The following FNDC3A variants were observed in gnomAD, a reference collection of about 807,000 sequenced individuals.
FNDC3A encodes fibronectin type-III domain-containing protein 3A.
FNDC3A carries 32 observed loss-of-function variants against 148.9 expected under a neutral mutation model. The observed-to-expected ratio is 0.21, with a 90% CI of 0.16 to 0.29. The LOEUF (loss-of-function observed/expected upper bound fraction) is 0.29, where lower values mean the gene tolerates loss of function less well. Among genes scored for constraint, FNDC3A ranks in the 10% least tolerant of loss-of-function variants. The pLI, the probability that FNDC3A is intolerant of heterozygous loss-of-function variation, is 1.00. For missense variants in FNDC3A, 1,191 were observed against 1,452.8 expected (o/e 0.82, Z 2.93); for synonymous variants, 472 against 473.6 (o/e 1.00, Z 0.04).
At chr13:49,019,927 C>T (rs1182527208) in intron 2 of FNDC3A, among the ~76,000 whole-genome samples, 1 of 152,134 alleles carries the variant, frequency 6.6e-6, no homozygotes, top group African/African-American at 2.4e-5. Context: ...ATAACTTGTT[C>T]AGTGAAATCT....
At chr13:49,097,525 T>C (rs146996694) in intron 3 of FNDC3A, among the ~76,000 whole-genome samples, 1 of 152,190 alleles carries the variant, frequency 6.6e-6, no homozygotes, top group Non-Finnish European at 1.5e-5. Context: ...GCCTCCAGCT[T>C]TGATCTCTGT....
At chr13:48,989,479 T>G (rs1183038076) in intron 1 of FNDC3A, among the ~76,000 whole-genome samples, 1 of 152,196 alleles carries the variant, frequency 6.6e-6, no homozygotes, top group Non-Finnish European at 1.5e-5. Flanking sequence ...AGATACTGTC[T>G]GATTAAAATT....
At chr13:48,993,580 AC>A (rs1411939700) in intron 1 of FNDC3A, among the ~76,000 whole-genome samples, 1 of 152,366 alleles carries the variant, frequency 6.6e-6, no homozygotes, top group African/African-American at 2.4e-5. Flanking sequence ...TGTACATTTT[AC>A]CATACATGAA....
At chr13:49,158,178 G>C (rs537233575) in intron 8 of FNDC3A, among the ~76,000 whole-genome samples, 4 of 152,262 alleles carry the variant, frequency 2.6e-5, no homozygotes, top group Non-Finnish European at 5.9e-5. Context: ...GTGAGACTCC[G>C]TGGGCGTAGG....
chr13:49,168,123 C>T (rs1164938889), intron 9 of FNDC3A, among the ~76,000 whole-genome samples: 1 of 151,948 alleles, frequency 6.6e-6, no homozygotes, highest in African/African-American at 2.4e-5. Flanking sequence ...AGTTAATTAC[C>T]CCCATTTTTA....
In FNDC3A at chr13:49,203,292, C is replaced by T; in HGVS notation, c.3282+8C>T. The T allele has an allele frequency of 6.3e-7, 1 of 1,590,834 alleles. No homozygotes were observed. The highest frequency in any genetic ancestry group is 8.6e-7 in the Non-Finnish European group (1 of 1,165,490). ...GATTCAGAATTCAAACAGGTATGTA[C>T]CAAGATATTAATGTGTGGATGCATA... On this transcript the variant is annotated splice_region_variant and intron_variant, in intron 25 of 25. Coordinates refer to ENST00000492622, the MANE Select transcript of FNDC3A (RefSeq NM_001079673.2).
At chr13:49,129,765 C>A (rs1441666345) in intron 4 of FNDC3A, among the ~76,000 whole-genome samples, 3 of 152,100 alleles carry the variant, frequency 2.0e-5, no homozygotes, top group Non-Finnish European at 4.4e-5. Flanking sequence ...GTCATCTAGT[C>A]CCCTGTTAGA....
rs531383046 is a variant in FNDC3A, at chr13:49,166,382, A to G, written c.978-862A>G. On this transcript the variant is annotated intron_variant, in intron 8 of 25. Transcript: ENST00000492622. ...CCAGTGACAGTGGTGGCCTGTGGGT[A>G]GGAAATGTCAGTGGGGCTCCAGACA... Among the ~76,000 whole-genome samples the G allele has an allele frequency of 7.2e-5, 11 of 152,284 alleles. No homozygotes were observed. The East Asian group carries it at 1.5e-3, about 21-fold the overall frequency.
intron 2 of FNDC3A, among the ~76,000 whole-genome samples, chr13:49,051,048 A>T (rs532964318): frequency 1.3e-5 from 2 of 152,292 alleles, no homozygotes; most frequent in East Asian, 1.9e-4. Context: ...CTTACATGTT[A>T]GGTGAGTCTC....
intron 1 of FNDC3A, among the ~76,000 whole-genome samples, chr13:48,978,017 C>T (rs1951633585): frequency 6.6e-6 from 1 of 152,042 alleles, no homozygotes; most frequent in South Asian, 2.1e-4. Context: ...TCCTGGTTAA[C>T]ACTGTCAAGC....
intron 2 of FNDC3A, among the ~76,000 whole-genome samples, chr13:49,030,713 G>A (rs1434762075): frequency 1.3e-5 from 2 of 151,956 alleles, no homozygotes; most frequent in Non-Finnish European, 2.9e-5. Context: ...TTCTATATAC[G>A]GGCAATGAAC....
At chr13:49,194,101 A>G (rs1593737575) in intron 19 of FNDC3A, among the ~76,000 whole-genome samples, 1 of 152,018 alleles carries the variant, frequency 6.6e-6, no homozygotes. Flanking sequence ...TATCTACTAA[A>G]AATACAAAAA....
At chr13:48,976,580 G>A (rs938288698) in intron 1 of FNDC3A, 22 of 152,252 alleles carry the variant, frequency 1.4e-4, no homozygotes, top group African/African-American at 4.8e-4. Flanking sequence ...GCTCCGGAGG[G>A]CTCGGGGGCG....
intron 2 of FNDC3A, among the ~76,000 whole-genome samples, chr13:49,017,692 A>G (rs1475334153): frequency 6.0e-5 from 9 of 150,876 alleles, no homozygotes; most frequent in African/African-American, 2.2e-4. Context: ...GTTTCTTCCT[A>G]TTCTCGATGG....
chr13:49,079,329 GA>G (rs1318838427), intron 3 of FNDC3A, among the ~76,000 whole-genome samples: 7 of 151,922 alleles, frequency 4.6e-5, no homozygotes, highest in Non-Finnish European at 8.8e-5. Flanking sequence ...TGTCATGGGG[GA>G]AAAAAAGGGA....
chr13:49,174,455 T>C lies in FNDC3A; in HGVS notation c.1251T>C (p.Phe417=), dbSNP rs545895386. 2.5e-6 allele frequency: 4 copies of C among 1,611,490 alleles called. No individual in the cohort carries two copies. The highest frequency in any genetic ancestry group is 2.7e-5 in the African/African-American group (2 of 74,986). The change falls in exon 12 of 26, where the codon TTT becomes TTC. Residue 417 remains phenylalanine (F), a synonymous_variant. Coordinates refer to ENST00000492622, the MANE Select transcript of FNDC3A (RefSeq NM_001079673.2). ...EWDEGKGNGE[F]CQCYMGSQKQ... ...TGTAGGGAAAAGGAAATGGAGAATT[T>C]TGTCAGTGTTACATGGGCTCACAGA...
At position 49,197,009 on chromosome 13, in the gene FNDC3A, A is replaced by C; in HGVS notation, c.2340+19A>C. On this transcript the variant is annotated intron_variant, in intron 20 of 25. Transcript: ENST00000492622. ...TTGGGAGGTATTGTAATTTCCATTG[A>C]CTTGTATCTACTTTCTTAAGTGAAT... The C allele has an allele frequency of 7.4e-7, 1 of 1,354,716 alleles. No individual in the cohort carries two copies. Among genetic ancestry groups the C allele is most frequent in the Non-Finnish European group, 1.0e-6 (1 of 956,962 alleles). 83.9% of individuals were successfully genotyped at this position (1,354,716 alleles called of 1,614,324 possible). A position where few individuals can be genotyped will look rare whatever the true frequency, so the allele number is the denominator to read the frequency against.
chr13:49,090,824 T>G (rs1355393076), intron 3 of FNDC3A, among the ~76,000 whole-genome samples: 1 of 152,024 alleles, frequency 6.6e-6, no homozygotes, highest in Non-Finnish European at 1.5e-5. Flanking sequence ...AGACCTCATC[T>G]CTACTACTGA....
At chr13:49,070,881 C>CTTTTTTTTT (rs758290861) in intron 2 of FNDC3A, among the ~76,000 whole-genome samples, 566 of 120,662 alleles carry the variant, frequency 4.7e-3, no homozygotes, top group East Asian at 7.0e-3. Context: ...AACAGGATTT[C>CTTTTTTTTT]TTTTTTTTTT....
Sources: gnomAD v4.1 joint callset for allele counts (sites outside exome capture counted in the v4.1 genomes callset) on GRCh38, gnomAD v4.1.1 for gene constraint, MANE v1.5 for transcripts, NCBI Gene and HGNC (gene_info 2026-07-23, HGNC 2026-07-21) for gene names.